The following TRABD2A variants were observed in gnomAD, a reference collection of about 807,000 sequenced individuals.
TRABD2A encodes the protein TraB domain containing 2A, also known as metalloprotease TIKI1.
A neutral mutation model predicts 45.6 loss-of-function variants in TRABD2A; 43 were observed. The ratio of observed to expected loss-of-function variants is 0.94; its 90% CI spans 0.74 to 1.22. The LOEUF (loss-of-function observed/expected upper bound fraction) is 1.22, where lower values mean the gene tolerates loss of function less well. Ranked by LOEUF, TRABD2A falls within the 50% of genes most tolerant of loss-of-function variation. The pLI is 0.00. For synonymous variants in TRABD2A, 269 were observed against 265.0 expected, an observed-to-expected ratio of 1.02 and a Z score of -0.15; for missense variants, 642 against 652.4, an observed-to-expected ratio of 0.98 and a Z score of 0.17.
intron 3 of TRABD2A, 72 bp from the exon 4 acceptor site, chr2:84,839,395 C>T: frequency 1.4e-6 from 2 of 1,409,058 alleles, no homozygotes; most frequent in East Asian, 5.0e-5. Context: ...ATTGGAGCAT[C>T]AAATCCCCCA....
At chr2:84,848,009 G>A (rs1304917366) in intron 2 of TRABD2A, among the ~76,000 whole-genome samples, 1 of 151,974 alleles carries the variant, frequency 6.6e-6, no homozygotes, top group Non-Finnish European at 1.5e-5. Flanking sequence ...TTTTTTATAA[G>A]AACAGTCATT....
chr2:84,861,028 G>T (rs1682477986), intron 2 of TRABD2A, among the ~76,000 whole-genome samples: 1 of 152,194 alleles, frequency 6.6e-6, no homozygotes, highest in African/African-American at 2.4e-5. Context: ...CCTCGAGCTT[G>T]GATTCAGTCA....
At chr2:84,877,154 G>A (rs1170283558) in intron 1 of TRABD2A, among the ~76,000 whole-genome samples, 1 of 152,116 alleles carries the variant, frequency 6.6e-6, no homozygotes, top group East Asian at 1.9e-4. Flanking sequence ...CAGGGCACAG[G>A]CTGAAAGAAG....
chr2:84,871,283 G>A (rs1386008496), intron 1 of TRABD2A, among the ~76,000 whole-genome samples: 2 of 152,132 alleles, frequency 1.3e-5, no homozygotes, highest in African/African-American at 2.4e-5. Flanking sequence ...CCATCTAAGA[G>A]ACACCTGAGA....
intron 2 of TRABD2A, among the ~76,000 whole-genome samples, chr2:84,855,870 T>G (rs576701240): frequency 6.6e-6 from 1 of 152,250 alleles, no homozygotes; most frequent in Non-Finnish European, 1.5e-5. Flanking sequence ...CCGGCAGATG[T>G]CTTTTTTGTC....
At position 84,870,606 on chromosome 2, in the gene TRABD2A, G is replaced by A. The variant is rs763184493; in HGVS notation, c.288C>T (p.Ile96=). 4.3e-6 allele frequency: 7 copies of A among 1,613,564 alleles called. No individual in the cohort carries two copies. The South Asian group carries it at 6.6e-5, about 15-fold the overall frequency. Residue 96 remains isoleucine, a synonymous_variant, in exon 2 of 7, where the codon ATC becomes ATT. Transcript: ENST00000409520. The part of the protein sequence containing the change: ...FELDLTDPYT[I]SALTSCQMLP... ...GCATCTGACAGCTGGTGAGAGCTGA[G>A]ATGGTATAGGGGTCTGTGAGATCCA...
At chr2:84,847,076 T>C (rs1362587848) in intron 2 of TRABD2A, among the ~76,000 whole-genome samples, 2 of 152,178 alleles carry the variant, frequency 1.3e-5, no homozygotes, top group Non-Finnish European at 2.9e-5. Context: ...GGTCAGGCCA[T>C]GGGTAGCCAT....
chr2:84,839,073 GGGGCTCACCT>G (rs1409457085), intron 4 of TRABD2A, 66 bp downstream of exon 4: 3 of 1,544,762 alleles, frequency 1.9e-6, no homozygotes, highest in Admixed American at 3.7e-5. Flanking sequence ...GCCCTAAGCA[GGGGCTCACCT>G]CAACATTCCC....
chr2:84,858,279 C>A (rs1341960952), intron 2 of TRABD2A, among the ~76,000 whole-genome samples: 1 of 150,348 alleles, frequency 6.7e-6, no homozygotes, highest in African/African-American at 2.5e-5. Flanking sequence ...ACATCGTCTC[C>A]CACCAGACCC....
At chr2:84,860,976 G>C (rs1205184421) in intron 2 of TRABD2A, among the ~76,000 whole-genome samples, 1 of 152,238 alleles carries the variant, frequency 6.6e-6, no homozygotes, top group Non-Finnish European at 1.5e-5. Context: ...ATCCAGAAAG[G>C]GAGGTGGGAG....
At chr2:84,838,141 A>T in intron 4 of TRABD2A, 1 of 688,464 alleles carries the variant, frequency 1.5e-6, no homozygotes, top group Non-Finnish European at 2.7e-6. Flanking sequence ...GGAGCTTTGG[A>T]GGAACTTTGA....
At position 84,856,272 on chromosome 2, in the gene TRABD2A, C is replaced by T. The variant is rs549556779; in HGVS notation, c.669+13953G>A. On this transcript the variant is annotated intron_variant, in intron 2 of 6. Transcript: ENST00000409520. ...GTCTCCGTGCAGTGGGGAGGTCCTT[C>T]TCAGGCTCATTTTCTACCTTCGCAG... is the stretch of plus-strand genomic sequence containing the variant. 5.9e-5 allele frequency among the ~76,000 whole-genome samples: 9 copies of T among 152,180 alleles called. No individual in the cohort carries two copies. In the South Asian group the frequency reaches 6.2e-4, roughly 11 times the overall value.
At chr2:84,848,627 G>T (rs143333809) in intron 2 of TRABD2A, among the ~76,000 whole-genome samples, 1 of 150,860 alleles carries the variant, frequency 6.6e-6, no homozygotes, top group African/African-American at 2.4e-5. Context: ...CTAGGCTGGA[G>T]TGCAATGGCA....
intron 2 of TRABD2A, among the ~76,000 whole-genome samples, chr2:84,860,063 T>C (rs1184906925): frequency 6.6e-6 from 1 of 152,166 alleles, no homozygotes; most frequent in African/African-American, 2.4e-5. Flanking sequence ...TTGGCACAGC[T>C]GGACACTCTC....
chr2:84,869,115 A>T (rs2105407522), intron 2 of TRABD2A, among the ~76,000 whole-genome samples: 1 of 152,338 alleles, frequency 6.6e-6, no homozygotes, highest in South Asian at 2.1e-4. Context: ...TCAACTCAGG[A>T]ACATTATTTT....
chr2:84,841,788 C>T (rs2105382118), intron 3 of TRABD2A, 73 bp downstream of exon 3: 1 of 1,416,248 alleles, frequency 7.1e-7, no homozygotes, highest in Non-Finnish European at 9.3e-7. Flanking sequence ...ACAGGATGTA[C>T]ATGTTGCCAG....
At position 84,842,026 on chromosome 2, in the gene TRABD2A, TTAAG is replaced by T; in HGVS notation, c.670-23_670-20del. ...AGATGACCTAAAAGAAAGGTCTCTT[TTAAG>T]TTCACTAACAAGGCAACTGTTTGCT... On this transcript the variant is annotated intron_variant, in intron 2 of 6. Coordinates refer to ENST00000409520, the MANE Select transcript of TRABD2A (RefSeq NM_001277053.2). 1 of 1,468,046 alleles carries T rather than the reference TTAAG, an allele frequency of 6.8e-7. No homozygotes were observed. The highest frequency in any genetic ancestry group is 1.4e-5 in the South Asian group (1 of 71,594). 90.9% of individuals were successfully genotyped at this position (1,468,046 alleles called of 1,614,324 possible).
At chr2:84,835,810 T>A (rs1030725129) in intron 4 of TRABD2A, 1 of 152,210 alleles carries the variant, frequency 6.6e-6, no homozygotes, top group Non-Finnish European at 1.5e-5. Flanking sequence ...TAGCCTACAC[T>A]ACTTTCCTCC....
At chr2:84,868,768 A>G (rs558667242) in intron 2 of TRABD2A, among the ~76,000 whole-genome samples, 4 of 152,314 alleles carry the variant, frequency 2.6e-5, no homozygotes, top group East Asian at 1.9e-4. Context: ...TTTTTCCCCA[A>G]TTGGGAGTAT....
Sources: allele counts gnomAD v4.1 joint callset (sites outside exome capture counted in the v4.1 genomes callset), GRCh38; gene constraint gnomAD v4.1.1; transcripts MANE v1.5; gene names NCBI Gene and HGNC (gene_info 2026-07-23, HGNC 2026-07-21).